The following PKNOX2 variants were observed in gnomAD, a reference collection of about 807,000 sequenced individuals.
PKNOX2 encodes the protein homeobox protein PKNOX2.
A neutral mutation model predicts 53.1 loss-of-function variants in PKNOX2; 14 were observed. The ratio of observed to expected loss-of-function variants is 0.26; its 90% CI spans 0.17 to 0.41. PKNOX2 has a LOEUF of 0.41. PKNOX2 is among the 10% of genes least tolerant of loss of function. The probability of loss-of-function intolerance (pLI) is 1.00; values close to 1 mark genes in which losing one functional copy is unlikely to be tolerated. For synonymous variants in PKNOX2, 257 were observed against 242.8 expected, an observed-to-expected ratio of 1.06 and a Z score of -0.54; for missense variants, 496 against 602.8, an observed-to-expected ratio of 0.82 and a Z score of 1.85.
chr11:125,224,126 T>G (rs144542783), intron 1 of PKNOX2, among the ~76,000 whole-genome samples: 39 of 152,362 alleles, frequency 2.6e-4, no homozygotes, highest in African/African-American at 9.1e-4. Flanking sequence ...CTTCTTCTGA[T>G]GGATGTCTCA....
chr11:125,263,726 T>C (rs1310072091), intron 2 of PKNOX2, among the ~76,000 whole-genome samples: 1 of 152,174 alleles, frequency 6.6e-6, no homozygotes, highest in Non-Finnish European at 1.5e-5. Flanking sequence ...GGATGAGCCA[T>C]GCAGACTCTT....
chr11:125,420,545 C>T (rs910804043), intron 10 of PKNOX2, among the ~76,000 whole-genome samples: 2 of 151,964 alleles, frequency 1.3e-5, no homozygotes, highest in Non-Finnish European at 2.9e-5. Flanking sequence ...AAGAAGAATG[C>T]TAGTGCTTGT....
At chr11:125,346,522 G>A (rs753792467) in intron 3 of PKNOX2, among the ~76,000 whole-genome samples, 1 of 152,178 alleles carries the variant, frequency 6.6e-6, no homozygotes, top group Non-Finnish European at 1.5e-5. Context: ...CCAAGGCCAG[G>A]CTTAGATCAT....
At chr11:125,327,437 CGT>C (rs1949890198) in intron 2 of PKNOX2, among the ~76,000 whole-genome samples, 1 of 152,220 alleles carries the variant, frequency 6.6e-6, no homozygotes, top group African/African-American at 2.4e-5. Context: ...CACACAGCCC[CGT>C]GTCTTCCCAT....
chr11:125,230,800 G>C (rs1942144985), intron 1 of PKNOX2, among the ~76,000 whole-genome samples: 1 of 152,128 alleles, frequency 6.6e-6, no homozygotes, highest in African/African-American at 2.4e-5. Context: ...AAATGAGATG[G>C]TACATGCACC....
intron 7 of PKNOX2, among the ~76,000 whole-genome samples, chr11:125,399,445 C>G (rs906087784): frequency 6.6e-6 from 1 of 152,188 alleles, no homozygotes; most frequent in Non-Finnish European, 1.5e-5. Context: ...CATGGTGACG[C>G]TGCGCAGTCC....
intron 2 of PKNOX2, among the ~76,000 whole-genome samples, chr11:125,283,386 C>T (rs751713633): frequency 6.6e-5 from 10 of 152,196 alleles, no homozygotes; most frequent in Non-Finnish European, 1.2e-4. Flanking sequence ...GTTCCCTCTA[C>T]CTGAGACCTT....
chr11:125,341,439 T>A (rs1950682020), intron 3 of PKNOX2, among the ~76,000 whole-genome samples: 1 of 151,950 alleles, frequency 6.6e-6, no homozygotes, highest in Non-Finnish European at 1.5e-5. Flanking sequence ...TGAGGCTCCA[T>A]AAGGAGGTAG....
chr11:125,302,688 C>G (rs2135964410), intron 2 of PKNOX2, among the ~76,000 whole-genome samples: 1 of 152,324 alleles, frequency 6.6e-6, no homozygotes, highest in Admixed American at 6.5e-5. Context: ...GCATCCCATA[C>G]CTAACGGGAA....
At chr11:125,376,286 A>G (rs1952834346) in intron 5 of PKNOX2, among the ~76,000 whole-genome samples, 1 of 152,192 alleles carries the variant, frequency 6.6e-6, no homozygotes, top group Admixed American at 6.5e-5. Flanking sequence ...CCAGGCGAAC[A>G]CACCGCCCAC....
At chr11:125,354,788 T>C (rs1325529501) in intron 4 of PKNOX2, among the ~76,000 whole-genome samples, 1 of 152,232 alleles carries the variant, frequency 6.6e-6, no homozygotes, top group East Asian at 1.9e-4. Flanking sequence ...TCTTCCCATT[T>C]TAGTAGAGAA....
At chr11:125,199,139 C>A (rs192703411) in intron 1 of PKNOX2, among the ~76,000 whole-genome samples, 26 of 152,294 alleles carry the variant, frequency 1.7e-4, no homozygotes, top group African/African-American at 6.3e-4. Context: ...CCACGCCCAG[C>A]CTTCTTCCCT....
intron 2 of PKNOX2, among the ~76,000 whole-genome samples, chr11:125,250,557 G>A (rs1758373393): frequency 6.6e-6 from 1 of 152,172 alleles, no homozygotes; most frequent in Non-Finnish European, 1.5e-5. Context: ...AAAGACCTGG[G>A]CCTAGCGCTA....
At chr11:125,283,306 A>G (rs1946692251) in intron 2 of PKNOX2, among the ~76,000 whole-genome samples, 1 of 152,256 alleles carries the variant, frequency 6.6e-6, no homozygotes, top group Non-Finnish European at 1.5e-5. Context: ...ATGAATGGGT[A>G]AGTGGCTGAC....
At chr11:125,219,773 G>C (rs1940934564) in intron 1 of PKNOX2, among the ~76,000 whole-genome samples, 1 of 152,150 alleles carries the variant, frequency 6.6e-6, no homozygotes, top group East Asian at 1.9e-4. Context: ...CATTCTATTG[G>C]CAAGGCCCTG....
At chr11:125,293,749 A>T (rs1947463437) in intron 2 of PKNOX2, among the ~76,000 whole-genome samples, 1 of 151,678 alleles carries the variant, frequency 6.6e-6, no homozygotes, top group African/African-American at 2.4e-5. Context: ...ACTCACACAC[A>T]CTCACACACA....
chr11:125,253,072 T>C (rs770618052), intron 2 of PKNOX2, among the ~76,000 whole-genome samples: 4 of 152,186 alleles, frequency 2.6e-5, no homozygotes, highest in Non-Finnish European at 5.9e-5. Context: ...CCTGATATGT[T>C]TGGGTTGGAA....
intron 7 of PKNOX2, among the ~76,000 whole-genome samples, chr11:125,404,667 C>A (rs1269785447): frequency 2.6e-5 from 4 of 152,122 alleles, no homozygotes; most frequent in Non-Finnish European, 5.9e-5. Context: ...CAGGAATACA[C>A]CCACAGCCTT....
At chr11:125,264,881 T>C (rs1159920574) in intron 2 of PKNOX2, among the ~76,000 whole-genome samples, 1 of 152,088 alleles carries the variant, frequency 6.6e-6, no homozygotes, top group Non-Finnish European at 1.5e-5. Flanking sequence ...ATCTGTGAAA[T>C]GGGAGGACTG....
Sources: gnomAD v4.1 joint callset for allele counts (sites outside exome capture counted in the v4.1 genomes callset) on GRCh38, gnomAD v4.1.1 for gene constraint, MANE v1.5 for transcripts, NCBI Gene and HGNC (gene_info 2026-07-23, HGNC 2026-07-21) for gene names.